Variants in KIF1B observed in about 807,000 individuals in gnomAD.
KIF1B encodes the protein kinesin family member 1B.
A neutral mutation model predicts 241.9 loss-of-function variants in KIF1B; 76 were observed. The ratio of observed to expected loss-of-function variants is 0.31; its 90% confidence interval spans 0.26 to 0.38. The LOEUF is 0.38. Ranked by LOEUF, KIF1B falls within the 10% of genes least tolerant of loss-of-function variation. The pLI, the probability that KIF1B is intolerant of heterozygous loss-of-function variation, is 1.00. For missense variants in KIF1B, 1,622 were observed against 2,271.4 expected, an observed-to-expected ratio of 0.71 and a Z score of 5.81; for synonymous variants, 750 against 796.7, an observed-to-expected ratio of 0.94 and a Z score of 0.99.
At chr1:10,333,941 A>G (rs1472188269) in intron 27 of KIF1B, among the ~76,000 whole-genome samples, 1 of 151,904 alleles carries the variant, frequency 6.6e-6, no homozygotes, top group Non-Finnish European at 1.5e-5. Flanking sequence ...TCACAAGGTC[A>G]GGAGATTGAG....
chr1:10,257,309 C>CAAAAAAAA (rs70997215), intron 3 of KIF1B, among the ~76,000 whole-genome samples: 1 of 138,866 alleles, frequency 7.2e-6, no homozygotes. Context: ...CTAAAAATTC[C>CAAAAAAAA]AAAAAAAAAA....
At chr1:10,223,522 TG>T (rs1457877001) in intron 1 of KIF1B, among the ~76,000 whole-genome samples, 1 of 149,500 alleles carries the variant, frequency 6.7e-6, no homozygotes, top group East Asian at 2.0e-4. Context: ...GGTTGCAAGG[TG>T]GTTTTTTTTT....
At chr1:10,238,927 G>C (rs996899706) in intron 2 of KIF1B, among the ~76,000 whole-genome samples, 1 of 151,838 alleles carries the variant, frequency 6.6e-6, no homozygotes, top group African/African-American at 2.4e-5. Context: ...GGATTTTTTT[G>C]GTACTTTTTT....
chr1:10,233,365 C>G (rs1647006475), intron 2 of KIF1B, among the ~76,000 whole-genome samples: 1 of 152,078 alleles, frequency 6.6e-6, no homozygotes, highest in Admixed American at 6.6e-5. Context: ...CCTGTAATCC[C>G]AGCACTTTGG....
intron 4 of KIF1B, among the ~76,000 whole-genome samples, chr1:10,259,752 C>T (rs552018659): frequency 9.5e-4 from 144 of 151,896 alleles, no homozygotes; most frequent in African/African-American, 3.1e-3. Flanking sequence ...CGCCCACCTC[C>T]GCCTCCCAAA....
chr1:10,283,913 G>A (rs1040777597), intron 15 of KIF1B, among the ~76,000 whole-genome samples: 5 of 152,210 alleles, frequency 3.3e-5, no homozygotes, highest in African/African-American at 4.8e-5. Flanking sequence ...AAGGCTTGCC[G>A]AAAAACTCTT....
At chr1:10,304,557 C>T in intron 22 of KIF1B, 4 of 1,614,092 alleles carry the variant, frequency 2.5e-6, no homozygotes, top group Non-Finnish European at 3.4e-6. Context: ...CTGACAAACC[C>T]AGCCACTGTA....
At chr1:10,347,288 T>C (rs1652623605) in intron 35 of KIF1B, among the ~76,000 whole-genome samples, 1 of 152,200 alleles carries the variant, frequency 6.6e-6, no homozygotes, top group African/African-American at 2.4e-5. Context: ...TAGGATACTG[T>C]GTTAAGTGTG....
intron 31 of KIF1B, 84 bp from the exon 32 acceptor site, chr1:10,339,685 A>C: frequency 9.1e-7 from 1 of 1,094,880 alleles, no homozygotes; most frequent in Non-Finnish European, 1.4e-6. Context: ...TTCTTTCTGT[A>C]GGATCCACAT....
chr1:10,251,027 A>G (rs958986402), intron 2 of KIF1B, among the ~76,000 whole-genome samples: 3 of 152,022 alleles, frequency 2.0e-5, no homozygotes, highest in Admixed American at 1.3e-4. Flanking sequence ...TCAGCCAGGC[A>G]TGATGGCGGG....
Position 10,267,425 on chromosome 1 carries a change from A to C in KIF1B, c.475A>C (p.Asn159His). 1 of 1,614,216 alleles carries C rather than the reference A, an allele frequency of 6.2e-7. No homozygotes were observed. The highest frequency in any genetic ancestry group is 8.5e-7 in the Non-Finnish European group (1 of 1,180,026). The change falls in exon 6 of 49, where the codon AAT becomes CAT. Residue 159 changes from asparagine (N) to histidine (H), a missense_variant. Around this residue, in one of 7 missense-constraint regions of KIF1B, gnomAD observed 156 missense variants for 244.8 expected, o/e 0.64. Transcript: ENST00000676179. ...CTGTGAAAGAGTACGAGATTTGCTG[A>C]ATCCAAAAAACAAGGGTAATTTGCG... The part of the protein sequence containing the change: ...IYCERVRDLL[N>H]PKNKGNLRVR...
At chr1:10,364,799 G>A (rs1378261520) in intron 41 of KIF1B, among the ~76,000 whole-genome samples, 1 of 151,840 alleles carries the variant, frequency 6.6e-6, no homozygotes, top group Non-Finnish European at 1.5e-5. Flanking sequence ...GAGGTCAGGA[G>A]ATCGAGACCA....
At chr1:10,214,045 G>A (rs1448513909) in intron 1 of KIF1B, among the ~76,000 whole-genome samples, 2 of 152,052 alleles carry the variant, frequency 1.3e-5, no homozygotes, top group African/African-American at 4.8e-5. Context: ...TGAGTGGGGA[G>A]GATGGCTTGA....
intron 4 of KIF1B, among the ~76,000 whole-genome samples, chr1:10,259,541 TGCCCAGG>T (rs1647999811): frequency 6.6e-6 from 1 of 151,404 alleles, no homozygotes; most frequent in Admixed American, 6.6e-5. Context: ...CTCTCTCTGT[TGCCCAGG>T]CTGGAGTGCA....
chr1:10,321,046 G>C (rs540672061), intron 23 of KIF1B, among the ~76,000 whole-genome samples: 2 of 147,816 alleles, frequency 1.4e-5, no homozygotes, highest in African/African-American at 5.0e-5. Flanking sequence ...TTTTCTCTCT[G>C]TAACAGAAAA....
intron 31 of KIF1B, among the ~76,000 whole-genome samples, chr1:10,339,086 G>A (rs75483373): frequency 0.017 from 2,626 of 152,202 alleles, 86 homozygotes; most frequent in African/African-American, 0.06. Flanking sequence ...ACTAATAATA[G>A]GGAGAGAGAG....
chr1:10,214,389 A>G (rs1277681979), intron 1 of KIF1B, among the ~76,000 whole-genome samples: 2 of 151,904 alleles, frequency 1.3e-5, no homozygotes, highest in Non-Finnish European at 2.9e-5. Flanking sequence ...TCCCGGGTTC[A>G]AATGATTCTC....
intron 15 of KIF1B, among the ~76,000 whole-genome samples, chr1:10,286,964 A>G (rs1649745498): frequency 6.6e-6 from 1 of 152,160 alleles, no homozygotes; most frequent in Non-Finnish European, 1.5e-5. Flanking sequence ...GGGTATGGGA[A>G]GCCCTGGACA....
intron 22 of KIF1B, among the ~76,000 whole-genome samples, chr1:10,301,067 A>T (rs1483934240): frequency 6.6e-6 from 1 of 152,138 alleles, no homozygotes; most frequent in Non-Finnish European, 1.5e-5. Flanking sequence ...AGGTGTGATG[A>T]TGTGTGCCTG....
Sources: gnomAD v4.1 joint callset for allele counts (sites outside exome capture counted in the v4.1 genomes callset) on GRCh38, gnomAD v4.1.1 for gene constraint, gnomAD v4.1.1 regional missense constraint, MANE v1.5 for transcripts, NCBI Gene and HGNC (gene_info 2026-07-23, HGNC 2026-07-21) for gene names.